Variants in CABCOCO1 observed in about 807,000 individuals in gnomAD.
The protein encoded by CABCOCO1 is ciliary associated calcium binding coiled-coil 1, also known as ciliary-associated calcium-binding coiled-coil protein 1.
CABCOCO1 carries 28 observed loss-of-function variants against 35.7 expected under a neutral mutation model. The observed-to-expected ratio is 0.78, with a 90% CI of 0.58 to 1.07. The LOEUF is 1.07. CABCOCO1 is among the 50% of genes least tolerant of loss of function. The probability of loss-of-function intolerance (pLI) is 0.00; values close to 1 mark genes in which losing one functional copy is unlikely to be tolerated. For synonymous variants in CABCOCO1, 95 were observed against 100.1 expected (o/e 0.95, Z 0.30); for missense variants, 326 against 309.2 (o/e 1.05, Z -0.41).
intron 5 of CABCOCO1, among the ~76,000 whole-genome samples, chr10:61,721,160 A>G (rs558786679): frequency 1.3e-5 from 2 of 151,682 alleles, no homozygotes; most frequent in South Asian, 2.1e-4. Flanking sequence ...TCCTGACCTC[A>G]TGATCCACCC....
intron 5 of CABCOCO1, among the ~76,000 whole-genome samples, chr10:61,705,823 T>C (rs1333470761): frequency 6.6e-6 from 1 of 152,190 alleles, no homozygotes; most frequent in Non-Finnish European, 1.5e-5. Flanking sequence ...ACAACAACCA[T>C]AGAGGGTGAG....
intron 5 of CABCOCO1, among the ~76,000 whole-genome samples, chr10:61,749,251 C>A (rs1482418439): frequency 1.3e-5 from 2 of 152,150 alleles, no homozygotes; most frequent in Non-Finnish European, 2.9e-5. Context: ...ATCACAGGAG[C>A]TTTGGTCACA....
chr10:61,704,925 A>T (rs560404345), intron 5 of CABCOCO1, among the ~76,000 whole-genome samples: 2 of 152,176 alleles, frequency 1.3e-5, no homozygotes, highest in South Asian at 4.2e-4. Context: ...GGTTAAAAAA[A>T]AAAACAAAAC....
At chr10:61,761,206 G>A (rs1171853981) in intron 7 of CABCOCO1, among the ~76,000 whole-genome samples, 3 of 151,818 alleles carry the variant, frequency 2.0e-5, no homozygotes, top group Admixed American at 1.3e-4. Flanking sequence ...AGCATCTAGT[G>A]TGGTGCATGT....
chr10:61,752,213 G>T (rs1261923942), intron 5 of CABCOCO1, among the ~76,000 whole-genome samples: 1 of 152,046 alleles, frequency 6.6e-6, no homozygotes, highest in Non-Finnish European at 1.5e-5. Context: ...GAAGGGCTTG[G>T]GTGCTCACTG....
At chr10:61,680,648 TA>T (rs1839727159) in intron 2 of CABCOCO1, among the ~76,000 whole-genome samples, 1 of 66,452 alleles carries the variant, frequency 1.5e-5, no homozygotes, top group Admixed American at 2.3e-4. Context: ...ATATATAATA[TA>T]TATTATGTTA....
intron 5 of CABCOCO1, among the ~76,000 whole-genome samples, chr10:61,713,420 A>G (rs1340914048): frequency 6.6e-6 from 1 of 152,160 alleles, no homozygotes; most frequent in South Asian, 2.1e-4. Flanking sequence ...GGCTGAAACG[A>G]TGGGGTTTTC....
intron 5 of CABCOCO1, among the ~76,000 whole-genome samples, chr10:61,720,170 T>C (rs1339332723): frequency 6.6e-6 from 1 of 151,978 alleles, no homozygotes; most frequent in East Asian, 1.9e-4. Flanking sequence ...AAGAAAAAGA[T>C]GAAGAATGAC....
intron 5 of CABCOCO1, among the ~76,000 whole-genome samples, chr10:61,719,538 A>AG (rs1840946661): frequency 6.6e-6 from 1 of 152,140 alleles, no homozygotes; most frequent in Admixed American, 6.5e-5. Context: ...TACTCAGCAT[A>AG]GGGTATACAC....
chr10:61,678,480 T>G (rs1053221379), intron 2 of CABCOCO1, among the ~76,000 whole-genome samples: 5 of 152,034 alleles, frequency 3.3e-5, no homozygotes, highest in Non-Finnish European at 7.4e-5. Context: ...TCAAAATGTA[T>G]AGTGACATGC....
chr10:61,672,382 T>C (rs1839386917), intron 1 of CABCOCO1, among the ~76,000 whole-genome samples: 1 of 152,212 alleles, frequency 6.6e-6, no homozygotes, highest in Non-Finnish European at 1.5e-5. Flanking sequence ...ATAATAAATA[T>C]TTGTTGAATT....
At chr10:61,732,621 G>T (rs1049699794) in intron 5 of CABCOCO1, among the ~76,000 whole-genome samples, 8 of 152,014 alleles carry the variant, frequency 5.3e-5, no homozygotes, top group African/African-American at 1.9e-4. Flanking sequence ...TATGTAAACA[G>T]TTATTAGAAC....
chr10:61,674,525 T>C (rs976653820), intron 2 of CABCOCO1, among the ~76,000 whole-genome samples: 2 of 152,182 alleles, frequency 1.3e-5, no homozygotes, highest in African/African-American at 2.4e-5. Flanking sequence ...TTGCAATCGG[T>C]CACTCACTTT....
At chr10:61,672,514 T>A (rs1352950732) in intron 1 of CABCOCO1, among the ~76,000 whole-genome samples, 118 bp from the exon 2 acceptor site, 1 of 152,188 alleles carries the variant, frequency 6.6e-6, no homozygotes, top group Admixed American at 6.5e-5. Flanking sequence ...AAGATTGTTG[T>A]TTTTAAATGT....
At chr10:61,691,531 A>G (rs10994877) in intron 5 of CABCOCO1, among the ~76,000 whole-genome samples, 3 of 152,078 alleles carry the variant, frequency 2.0e-5, no homozygotes, top group African/African-American at 7.2e-5. Flanking sequence ...TCTGGGATAC[A>G]TGTGCAGAAC....
At chr10:61,731,638 A>G (rs1410226873) in intron 5 of CABCOCO1, among the ~76,000 whole-genome samples, 1 of 151,640 alleles carries the variant, frequency 6.6e-6, no homozygotes, top group African/African-American at 2.4e-5. Context: ...TGCTTAATGG[A>G]GCATTTTGCT....
chr10:61,747,955 A>C (rs1841699340), intron 5 of CABCOCO1, among the ~76,000 whole-genome samples: 1 of 152,198 alleles, frequency 6.6e-6, no homozygotes, highest in Non-Finnish European at 1.5e-5. Flanking sequence ...CTCTCATCAG[A>C]TAATAGGCTA....
At chr10:61,734,476 A>C (rs550463908) in intron 5 of CABCOCO1, among the ~76,000 whole-genome samples, 1 of 151,866 alleles carries the variant, frequency 6.6e-6, no homozygotes, top group African/African-American at 2.4e-5. Flanking sequence ...GTTAAGAATC[A>C]TAGAACCTAA....
At chr10:61,748,461 G>T (rs1349266868) in intron 5 of CABCOCO1, among the ~76,000 whole-genome samples, 1 of 152,096 alleles carries the variant, frequency 6.6e-6, no homozygotes, top group African/African-American at 2.4e-5. Context: ...TTTTCTACAT[G>T]CCAGGCACTG....
Sources: allele counts gnomAD v4.1 joint callset (sites outside exome capture counted in the v4.1 genomes callset), GRCh38; gene constraint gnomAD v4.1.1; transcripts MANE v1.5; gene names NCBI Gene and HGNC (gene_info 2026-07-23, HGNC 2026-07-21).